The following CNTN4 variants were observed in gnomAD, a reference collection of about 807,000 sequenced individuals.
The protein encoded by CNTN4 is contactin 4.
A neutral mutation model predicts 122.5 loss-of-function variants in CNTN4; 77 were observed. The ratio of observed to expected loss-of-function variants is 0.63; its 90% CI spans 0.52 to 0.76. The LOEUF is 0.76. CNTN4 is among the 30% of genes least tolerant of loss of function. CNTN4 has a pLI of 0.00. For missense variants in CNTN4, 1,256 were observed against 1,259.1 expected, an observed-to-expected ratio of 1.00 and a Z score of 0.04; for synonymous variants, 512 against 447.0, an observed-to-expected ratio of 1.15 and a Z score of -1.83.
intron 4 of CNTN4, among the ~76,000 whole-genome samples, chr3:2,579,684 A>C (rs1408467145): frequency 1.3e-5 from 2 of 152,210 alleles, no homozygotes; most frequent in Non-Finnish European, 2.9e-5. Context: ...TTATTCATTG[A>C]GTAATTTAAC....
chr3:2,268,073 A>G (rs925731578), intron 2 of CNTN4, among the ~76,000 whole-genome samples: 14 of 152,108 alleles, frequency 9.2e-5, no homozygotes, highest in African/African-American at 3.4e-4. Context: ...TGACCTGAAG[A>G]TGTTTTACTA....
At chr3:2,845,089 T>C (rs923246057) in intron 7 of CNTN4, among the ~76,000 whole-genome samples, 1 of 152,204 alleles carries the variant, frequency 6.6e-6, no homozygotes, top group Admixed American at 6.5e-5. Context: ...AGAGTTGTCA[T>C]TTCCGCAAAA....
At chr3:2,367,449 T>C (rs981790183) in intron 3 of CNTN4, among the ~76,000 whole-genome samples, 1 of 152,192 alleles carries the variant, frequency 6.6e-6, no homozygotes, top group African/African-American at 2.4e-5. Context: ...ATAGTTACGG[T>C]GTACAGTGGA....
At chr3:2,473,919 G>A (rs984175485) in intron 3 of CNTN4, among the ~76,000 whole-genome samples, 5 of 151,972 alleles carry the variant, frequency 3.3e-5, no homozygotes, top group Admixed American at 6.5e-5. Flanking sequence ...GGCTGAGGCA[G>A]GAGAATCACT....
rs367551184 is a variant in CNTN4 at position 2,426,627 on chromosome 3, A to G, written c.-89+87394A>G. On this transcript the variant is annotated intron_variant, in intron 3 of 24. Transcript: ENST00000418658. ...ATTCCTTCTTTTTCTATTGATTGGA[A>G]TAGTTTCAGAAGGAATGGTACCAGC... Among the ~76,000 whole-genome samples, 61 of 152,280 alleles carry G rather than the reference A, an allele frequency of 4.0e-4. 1 individual carries two copies. In the East Asian group the frequency reaches 0.01, roughly 26 times the overall value.
At chr3:2,489,165 C>G (rs2076245524) in intron 3 of CNTN4, among the ~76,000 whole-genome samples, 1 of 152,134 alleles carries the variant, frequency 6.6e-6, no homozygotes, top group African/African-American at 2.4e-5. Context: ...TGAACGGGAA[C>G]TTATGCCAGT....
intron 7 of CNTN4, among the ~76,000 whole-genome samples, chr3:2,833,803 A>G (rs947779387): frequency 1.3e-5 from 2 of 152,160 alleles, no homozygotes; most frequent in African/African-American, 4.8e-5. Flanking sequence ...CTAGTAGCTC[A>G]TATATTCTGT....
intron 7 of CNTN4, among the ~76,000 whole-genome samples, chr3:2,845,928 A>T (rs1380682308): frequency 6.6e-6 from 1 of 152,208 alleles, no homozygotes; most frequent in Non-Finnish European, 1.5e-5. Flanking sequence ...AGCTGAGCTA[A>T]TCAGGTATTT....
intron 2 of CNTN4, among the ~76,000 whole-genome samples, chr3:2,110,801 TTA>T: frequency 6.6e-6 from 1 of 152,162 alleles, no homozygotes; most frequent in Non-Finnish European, 1.5e-5. Context: ...GTTCTCAGCT[TTA>T]CCTCTCTACT....
intron 6 of CNTN4, among the ~76,000 whole-genome samples, chr3:2,806,290 G>C (rs1362632742): frequency 1.3e-5 from 2 of 152,154 alleles, no homozygotes; most frequent in African/African-American, 4.8e-5. Context: ...TTACAGTAGA[G>C]CCACTGATGT....
chr3:2,162,475 G>A (rs1007776166), intron 2 of CNTN4, among the ~76,000 whole-genome samples: 1 of 152,262 alleles, frequency 6.6e-6, no homozygotes, highest in Non-Finnish European at 1.5e-5. Flanking sequence ...AAATAATATA[G>A]GAGGGAAAAC....
chr3:2,233,039 A>T (rs1434414784), intron 2 of CNTN4, among the ~76,000 whole-genome samples: 3 of 152,144 alleles, frequency 2.0e-5, no homozygotes, highest in Non-Finnish European at 4.4e-5. Flanking sequence ...AAATTGGTTA[A>T]TGGGGCGCCT....
intron 2 of CNTN4, among the ~76,000 whole-genome samples, chr3:2,116,370 G>A (rs992079034): frequency 6.6e-6 from 1 of 152,068 alleles, no homozygotes; most frequent in Non-Finnish European, 1.5e-5. Context: ...ACGTGTTTAT[G>A]GGACTAAATA....
intron 2 of CNTN4, among the ~76,000 whole-genome samples, chr3:2,225,470 G>A (rs1410495023): frequency 2.0e-5 from 3 of 151,928 alleles, no homozygotes; most frequent in Non-Finnish European, 2.9e-5. Flanking sequence ...CCGAGATCGT[G>A]CTGCTGCACT....
At chr3:2,990,655 C>T (rs925671630) in intron 14 of CNTN4, among the ~76,000 whole-genome samples, 1 of 152,218 alleles carries the variant, frequency 6.6e-6, no homozygotes, top group African/African-American at 2.4e-5. Context: ...CAGATCCCTG[C>T]TGCTCATCTT....
At chr3:2,662,803 G>A (rs1319001170) in intron 4 of CNTN4, among the ~76,000 whole-genome samples, 2 of 152,174 alleles carry the variant, frequency 1.3e-5, no homozygotes. Flanking sequence ...GAGTGTAGGA[G>A]ACAGGATGGC....
intron 3 of CNTN4, among the ~76,000 whole-genome samples, chr3:2,468,054 C>A (rs2075563549): frequency 6.6e-6 from 1 of 152,182 alleles, no homozygotes. Context: ...TTTTACTCGA[C>A]CATGCTGCTC....
At chr3:2,903,320 G>T (rs2094195326) in intron 12 of CNTN4, among the ~76,000 whole-genome samples, 1 of 152,184 alleles carries the variant, frequency 6.6e-6, no homozygotes, top group South Asian at 2.1e-4. Context: ...CTGATTTGGT[G>T]CAAACTTGAG....
intron 4 of CNTN4, among the ~76,000 whole-genome samples, chr3:2,706,953 T>C (rs991776505): frequency 2.0e-5 from 3 of 151,956 alleles, no homozygotes; most frequent in African/African-American, 7.3e-5. Context: ...GTAACTGGCA[T>C]GGGGAAGCAC....
Sources: allele counts gnomAD v4.1 joint callset (sites outside exome capture counted in the v4.1 genomes callset), GRCh38; gene constraint gnomAD v4.1.1; transcripts MANE v1.5; gene names NCBI Gene and HGNC (gene_info 2026-07-23, HGNC 2026-07-21).